SYT5: variants seen among roughly 807,000 people sequenced by gnomAD.
The protein encoded by SYT5 is synaptotagmin 5.
In SYT5, 29 loss-of-function variants were observed where a neutral mutation model predicts 36.0. That is an observed-to-expected ratio of 0.81 (90% CI 0.60 to 1.10). The LOEUF (loss-of-function observed/expected upper bound fraction) is 1.10, where lower values mean the gene tolerates loss of function less well. SYT5 is among the 50% of genes least tolerant of loss of function. The pLI, the probability that SYT5 is intolerant of heterozygous loss-of-function variation, is 0.00. For missense variants in SYT5, 512 were observed against 516.0 expected, an observed-to-expected ratio of 0.99 and a Z score of 0.08; for synonymous variants, 231 against 227.6, an observed-to-expected ratio of 1.02 and a Z score of -0.14.
In SYT5 at chr19:55,172,014, G is replaced by C. The variant is rs563858360; in HGVS notation, c.*1470C>G. 1.3e-5 allele frequency: 2 copies of C among 150,380 alleles called. No homozygotes were observed. Among genetic ancestry groups the C allele is most frequent in the Admixed American group, 6.6e-5 (1 of 15,040 alleles). The allele number at this position is 150,380 out of a possible 1,614,324, so 9.3% of individuals were successfully genotyped here. A position where few individuals can be genotyped will look rare whatever the true frequency, so the allele number is the denominator to read the frequency against. On this transcript the variant is annotated 3_prime_UTR_variant, in exon 9 of 9. Transcript: ENST00000354308. Reference sequence around the variant, plus strand: ...AGAATCGCTTGAACCCGGGAGGCAGGGGTTGCGGTGAGCCGAGATTGCACC... The same window carrying C: ...AGAATCGCTTGAACCCGGGAGGCAGCGGTTGCGGTGAGCCGAGATTGCACC...
Position 55,174,645 on chromosome 19 carries a change from A to G in SYT5, c.832T>C (p.Tyr278His). The change falls in exon 8 of 9, where the codon TAC becomes CAC. Residue 278 changes from tyrosine (Y) to histidine (H), a missense_variant. By Grantham distance (83) the Tyr-to-His change is moderately conservative. Coordinates refer to ENST00000354308, the MANE Select transcript of SYT5 (RefSeq NM_003180.3). ...CCCTGCAGCAGGTGGACCTTGACGT[A>G]TGGATCTGGGGAGAGGAAGGAGGAG... is the stretch of plus-strand genomic sequence containing the variant. The part of the protein sequence containing the change: ...KMDVGGLSDP[Y>H]VKVHLLQGGK... 6.2e-7 allele frequency: 1 copy of G among 1,613,978 alleles called. No homozygotes were observed. The highest frequency in any genetic ancestry group is 8.5e-7 in the Non-Finnish European group (1 of 1,179,968).
At position 55,175,957 on chromosome 19, in the gene SYT5, G is replaced by C. The variant is rs775842890; in HGVS notation, c.372+48C>G. On this transcript the variant is annotated intron_variant, in intron 4 of 8. Transcript: ENST00000354308. This position sits in a 1 kb window ranked among gnomAD's most constrained non-coding sequence, Gnocchi z 4.5. ...CCATGGCTCCTTTCAGAAGGGGTTG[G>C]AACCCCCGGGATCCTCCCTCCAAAG... 1.2e-6 allele frequency: 2 copies of C among 1,613,580 alleles called. No individual in the cohort carries two copies. The highest frequency in any genetic ancestry group is 1.3e-5 in the African/African-American group (1 of 75,006).
chr19:55,178,035 T>C (rs12459688), intron 3 of SYT5, among the ~76,000 whole-genome samples, 161 bp downstream of exon 3: 14,873 of 152,226 alleles, frequency 0.098, 1,422 homozygotes, highest in Admixed American at 0.25. Flanking sequence ...GTTCCATCTC[T>C]GGGTCCCCAG....
At position 55,173,517 on chromosome 19, in the gene SYT5, G is replaced by C; in HGVS notation, c.1128C>G (p.Pro376=). The C allele has an allele frequency of 5.0e-6, 7 of 1,405,064 alleles. No individual in the cohort carries two copies. Among genetic ancestry groups the C allele is most frequent in the Non-Finnish European group, 5.6e-6 (6 of 1,079,884 alleles). The allele number at this position is 1,405,064 out of a possible 1,614,324, so 87.0% of individuals were successfully genotyped here. A position where few individuals can be genotyped will look rare whatever the true frequency, so the allele number is the denominator to read the frequency against. The change falls in exon 9 of 9, where the codon CCC becomes CCG. Residue 376 remains proline, a synonymous_variant. Transcript: ENST00000354308. The surrounding 1 kb of genome is among the most constrained non-coding windows in gnomAD (Gnocchi z 5.4). ...CAGGCAGCAGCCTCACTCGGTCCGG[G>C]GGCCGCAGCGAGTGCCACTGGGCAA... ...RPIAQWHSLR[P]PDRVRLLPAP
Position 55,179,059 on chromosome 19 carries a change from G to A in SYT5, c.-18C>T, listed in dbSNP as rs1165421915. 1 of 1,599,752 alleles carries A rather than the reference G, an allele frequency of 6.3e-7. No individual in the cohort carries two copies. Among genetic ancestry groups the A allele is most frequent in the South Asian group, 1.1e-5 (1 of 88,240 alleles). ...GGGAACATGGTGGCGGGGTCCTGGA[G>A]TCTTTTCTGCAGAGACACTCAAGCA... On this transcript the variant is annotated 5_prime_UTR_variant, in exon 2 of 9. Coordinates refer to ENST00000354308, the MANE Select transcript of SYT5 (RefSeq NM_003180.3). This position sits in a 1 kb window ranked among gnomAD's most constrained non-coding sequence, Gnocchi z 4.5.
At position 55,179,488 on chromosome 19, in the gene SYT5, G is replaced by A. The variant is rs1293000453; in HGVS notation, c.-45-402C>T. ...TGTTGCCAGGACAACGGGCGGGGCT[G>A]ACGCACAGACGCGGAGTCCCGGCGG... On this transcript the variant is annotated intron_variant, in intron 1 of 8. Coordinates refer to ENST00000354308, the MANE Select transcript of SYT5 (RefSeq NM_003180.3). The surrounding 1 kb of genome is among the most constrained non-coding windows in gnomAD (Gnocchi z 4.5). The A allele has an allele frequency of 3.5e-5, 11 of 314,050 alleles. No homozygotes were observed. Among genetic ancestry groups the A allele is most frequent in the Admixed American group, 2.0e-4 (4 of 19,604 alleles). 19.5% of individuals were successfully genotyped at this position (314,050 alleles called of 1,614,324 possible). A position where few individuals can be genotyped will look rare whatever the true frequency, so the allele number is the denominator to read the frequency against.
chr19:55,178,117 AG>A, intron 3 of SYT5, 78 bp downstream of exon 3: 4 of 1,492,374 alleles, frequency 2.7e-6, no homozygotes, highest in Non-Finnish European at 3.6e-6. Context: ...AGAAGGGAGC[AG>A]GGACTGGGAC....
At position 55,171,484 on chromosome 19, in the gene SYT5, GC is replaced by G. The variant is rs1785603243; in HGVS notation, c.*1999del. 6.6e-6 allele frequency: 1 copy of G among 152,126 alleles called. No homozygotes were observed. The highest frequency in any genetic ancestry group is 6.6e-5 in the Admixed American group (1 of 15,266). The allele number at this position is 152,126 out of a possible 1,614,324, so 9.4% of individuals were successfully genotyped here. ...TTAGGAGCAAGTAAGTTTGTTTGCT[GC>G]CTCCTTTTTTGGTACGTGGGGGTAA... is the stretch of plus-strand genomic sequence containing the variant. On this transcript the variant is annotated 3_prime_UTR_variant, in exon 9 of 9. Transcript: ENST00000354308.
Position 55,173,379 on chromosome 19 carries a change from C to A in SYT5, c.*105G>T. The A allele has an allele frequency of 1.1e-6, 1 of 942,942 alleles. No individual in the cohort carries two copies. The highest frequency in any genetic ancestry group is 1.4e-6 in the Non-Finnish European group (1 of 704,392). 58.4% of individuals were successfully genotyped at this position (942,942 alleles called of 1,614,324 possible). On this transcript the variant is annotated 3_prime_UTR_variant, in exon 9 of 9. Transcript: ENST00000354308. This position sits in a 1 kb window ranked among gnomAD's most constrained non-coding sequence, Gnocchi z 5.4. Reference sequence around the variant, plus strand: ...GGGGTGGAAGGTGGGGGGAGGGTAACCGTCAGAGGAAGCTTAAGGGTGGGG... The same window carrying A: ...GGGGTGGAAGGTGGGGGGAGGGTAAACGTCAGAGGAAGCTTAAGGGTGGGG...
chr19:55,177,566 C>CATTTATTTATTTATTT (rs140955176), intron 3 of SYT5: 1 of 152,028 alleles, frequency 6.6e-6, no homozygotes, highest in African/African-American at 2.4e-5. Flanking sequence ...CTTTCAGAGC[C>CATTTATTTATTTATTT]ATTTATTTAT....
chr19:55,174,184 G>A (rs773117806), intron 8 of SYT5, among the ~76,000 whole-genome samples: 1 of 151,718 alleles, frequency 6.6e-6, no homozygotes, highest in Non-Finnish European at 1.5e-5. Context: ...GCTTGGGGGC[G>A]GGGCATCCTG....
chr19:55,177,845 G>A (rs1302144839), intron 3 of SYT5, among the ~76,000 whole-genome samples: 2 of 152,144 alleles, frequency 1.3e-5, no homozygotes, highest in East Asian at 1.9e-4. Context: ...GTGAGCCACC[G>A]CACCCGGCCC....
chr19:55,173,843 A>G lies in SYT5; in HGVS notation c.961-159T>C. The G allele has an allele frequency of 1.5e-6, 1 of 665,688 alleles. No homozygotes were observed. The highest frequency in any genetic ancestry group is 5.2e-5 in the South Asian group (1 of 19,074). 41.2% of individuals were successfully genotyped at this position (665,688 alleles called of 1,614,324 possible). A position where few individuals can be genotyped will look rare whatever the true frequency, so the allele number is the denominator to read the frequency against. On this transcript the variant is annotated intron_variant, in intron 8 of 8. Coordinates refer to ENST00000354308, the MANE Select transcript of SYT5 (RefSeq NM_003180.3). This position sits in a 1 kb window ranked among gnomAD's most constrained non-coding sequence, Gnocchi z 5.4. ...GGGGAGGGGGTGGGAGACGAGAGGG[A>G]CGGAGCCTGCGGCGAGGAGGAGGCT...
chr19:55,178,496 C>A (rs2147335491), intron 2 of SYT5, 128 bp from the exon 3 acceptor site: 1 of 1,144,074 alleles, frequency 8.7e-7, no homozygotes, highest in Non-Finnish European at 1.2e-6. Context: ...GCATTTCTTC[C>A]TGTGTTTTTC....
Position 55,175,562 on chromosome 19 carries a change from T to G in SYT5, c.540+147A>C. The G allele has an allele frequency of 8.4e-7, 1 of 1,187,438 alleles. No individual in the cohort carries two copies. Among genetic ancestry groups the G allele is most frequent in the Middle Eastern group, 2.9e-4 (1 of 3,408 alleles). The allele number at this position is 1,187,438 out of a possible 1,614,324, so 73.6% of individuals were successfully genotyped here. Reference sequence around the variant, plus strand: ...CAGGCTACAGCCCAGGAGTCAGTAGTGCCCAGGGTCCAGTGGAATAGCCCC... The same window carrying G: ...CAGGCTACAGCCCAGGAGTCAGTAGGGCCCAGGGTCCAGTGGAATAGCCCC... On this transcript the variant is annotated intron_variant, in intron 5 of 8. Coordinates refer to ENST00000354308, the MANE Select transcript of SYT5 (RefSeq NM_003180.3). This position sits in a 1 kb window ranked among gnomAD's most constrained non-coding sequence, Gnocchi z 4.5.
Position 55,173,631 on chromosome 19 carries a change from C to T in SYT5, c.1014G>A (p.Glu338=), listed in dbSNP as rs2086030589. 6.7e-7 allele frequency: 1 copy of T among 1,492,666 alleles called. No individual in the cohort carries two copies. Among genetic ancestry groups the T allele is most frequent in the Non-Finnish European group, 8.9e-7 (1 of 1,122,142 alleles). 92.5% of individuals were successfully genotyped at this position (1,492,666 alleles called of 1,614,324 possible). ...VLDYDKLGKN[E]AIGRVAVGAA... ...CCCCCACGGCCACCCTCCCGATGGC[C>T]TCGTTCTTGCCCAGCTTGTCGTAGT... Residue 338 remains glutamate, a synonymous_variant, in exon 9 of 9, where the codon GAG becomes GAA. Transcript: ENST00000354308. The surrounding 1 kb of genome is among the most constrained non-coding windows in gnomAD (Gnocchi z 5.4).
At chr19:55,176,504 C>A (rs903227451) in intron 3 of SYT5, among the ~76,000 whole-genome samples, 2 of 152,178 alleles carry the variant, frequency 1.3e-5, no homozygotes, top group Non-Finnish European at 2.9e-5. Flanking sequence ...CTTAGCACAG[C>A]AAAACATGGA....
At position 55,173,594 on chromosome 19, in the gene SYT5, C is replaced by T. The variant is rs1182594836; in HGVS notation, c.1051G>A (p.Gly351Arg). 2.0e-6 allele frequency: 3 copies of T among 1,480,554 alleles called. No individual in the cohort carries two copies. The highest frequency in any genetic ancestry group is 2.5e-5 in the Admixed American group (1 of 39,798). The allele number at this position is 1,480,554 out of a possible 1,614,324, so 91.7% of individuals were successfully genotyped here. A position where few individuals can be genotyped will look rare whatever the true frequency, so the allele number is the denominator to read the frequency against. ...GRVAVGAAAG[G>R]AGLRHWADML... ...TCCGCCCAGTGCCGCAGGCCAGCCC[C>T]GCCGGCGGCCGCCCCCACGGCCACC... is the stretch of plus-strand genomic sequence containing the variant. The change falls in exon 9 of 9, where the codon GGG (glycine) becomes AGG (arginine). Residue 351 changes from glycine (G) to arginine (R), a missense_variant. Gly to Arg is a moderately radical substitution (Grantham distance 125). Coordinates refer to ENST00000354308, the MANE Select transcript of SYT5 (RefSeq NM_003180.3). The surrounding 1 kb of genome is among the most constrained non-coding windows in gnomAD (Gnocchi z 5.4).
rs1380014851 is a variant in SYT5 at position 55,173,761 on chromosome 19, C to G, written c.961-77G>C. The G allele has an allele frequency of 7.8e-7, 1 of 1,287,382 alleles. No individual in the cohort carries two copies. Among genetic ancestry groups the G allele is most frequent in the Non-Finnish European group, 9.9e-7 (1 of 1,007,918 alleles). The allele number at this position is 1,287,382 out of a possible 1,614,324, so 79.7% of individuals were successfully genotyped here. On this transcript the variant is annotated intron_variant, in intron 8 of 8. Coordinates refer to ENST00000354308, the MANE Select transcript of SYT5 (RefSeq NM_003180.3). This position sits in a 1 kb window ranked among gnomAD's most constrained non-coding sequence, Gnocchi z 5.4. ...CCGGAAGGGGCGGTGTCCGTTTTCACGGCTGAGGGTACCTCTCGCTGCCAC... is the reference window on the plus strand; with the variant it reads ...CCGGAAGGGGCGGTGTCCGTTTTCAGGGCTGAGGGTACCTCTCGCTGCCAC...
Sources: gnomAD v4.1 joint callset for allele counts (sites outside exome capture counted in the v4.1 genomes callset) on GRCh38, gnomAD v4.1.1 for gene constraint, Gnocchi (gnomAD v3.1) non-coding constraint, MANE v1.5 for transcripts, NCBI Gene and HGNC (gene_info 2026-07-23, HGNC 2026-07-21) for gene names.